RNF207: variants seen among roughly 807,000 people sequenced by gnomAD.
The protein encoded by RNF207 is ring finger protein 207.
In RNF207, 72 loss-of-function variants were observed where a neutral mutation model predicts 79.0. That is an observed-to-expected ratio of 0.91 (90% CI 0.75 to 1.11). The LOEUF (loss-of-function observed/expected upper bound fraction) is 1.11. Ranked by LOEUF, RNF207 falls within the 50% of genes least tolerant of loss-of-function variation. The probability of loss-of-function intolerance (pLI) is 0.00; values close to 1 mark genes in which losing one functional copy is unlikely to be tolerated. For missense variants in RNF207, 936 were observed against 855.8 expected (o/e 1.09, Z -1.17); for synonymous variants, 348 against 366.2 (o/e 0.95, Z 0.57).
At chr1:6,212,877 T>C in intron 15 of RNF207, 144 bp downstream of exon 15, 1 of 822,946 alleles carries the variant, frequency 1.2e-6, no homozygotes, top group Non-Finnish European at 2.1e-6. Context: ...TCCCAGCTGC[T>C]AACTGGCCTC....
rs1326086636 is a variant in RNF207, at chr1:6,209,941, G to A, written c.771G>A (p.Arg257=). Residue 257 remains arginine (R), a synonymous_variant, in exon 8 of 18, where the codon AGG becomes AGA. Transcript: ENST00000377939. ...FGSMQDRLAE[R]KALLLQAVQS... is the part of the protein sequence containing the mutation. ...TCTCCCAGGACAGGCTGGCAGAGAG[G>A]AAAGCGCTGCTGCTGCAGGCTGTGC... 8 of 1,592,862 alleles carry A rather than the reference G, an allele frequency of 5.0e-6. No homozygotes were observed. The African/African-American group carries it at 6.8e-5, about 13-fold the overall frequency.
At chr1:6,210,512 A>C in intron 10 of RNF207, 74 bp downstream of exon 10, 3 of 1,197,736 alleles carry the variant, frequency 2.5e-6, no homozygotes, top group South Asian at 1.3e-5. Context: ...CCACCAACTC[A>C]GGGGTGGGCA....
intron 16 of RNF207, among the ~76,000 whole-genome samples, chr1:6,214,252 A>G (rs1395311995): frequency 6.6e-6 from 1 of 151,992 alleles, no homozygotes; most frequent in African/African-American, 2.4e-5. Flanking sequence ...AATGCGACCT[A>G]CTAATTCTCT....
At position 6,207,664 on chromosome 1, in the gene RNF207, C is replaced by G; in HGVS notation, c.324+153C>G. 1.2e-6 allele frequency: 1 copy of G among 858,642 alleles called. No homozygotes were observed. 53.2% of individuals were successfully genotyped at this position (858,642 alleles called of 1,614,324 possible). A position where few individuals can be genotyped will look rare whatever the true frequency, so the allele number is the denominator to read the frequency against. ...GGCACCTTGGCCCCAAATGTGAACC[C>G]CATTATACCGGTGGGGAGACTGAGG... On this transcript the variant is annotated intron_variant, in intron 3 of 17. Coordinates refer to ENST00000377939, the MANE Select transcript of RNF207 (RefSeq NM_207396.3). This position sits in a 1 kb window ranked among gnomAD's most constrained non-coding sequence, Gnocchi z 4.5.
Position 6,219,386 on chromosome 1 carries a change from A to T in RNF207, c.1884A>T (p.Thr628=), listed in dbSNP as rs772294125. 1 of 1,608,396 alleles carries T rather than the reference A, an allele frequency of 6.2e-7. No individual in the cohort carries two copies. The highest frequency in any genetic ancestry group is 8.5e-7 in the Non-Finnish European group (1 of 1,177,590). The change falls in exon 18 of 18, where the codon ACA becomes ACT. Residue 628 remains threonine, a synonymous_variant. Transcript: ENST00000377939. ...SKQKNGGDVP[T]WREHPT ...AGAAAAATGGGGGCGATGTCCCCAC[A>T]TGGAGGGAACACCCGACTTAGCAAA...
Position 6,207,384 on chromosome 1 carries a change from A to G in RNF207, c.197A>G (p.Gln66Arg). ...GRLTCPLCQH[Q>R]TVLKGPSGLP... ...GGGCCTGGGCTTCTCTGCAGACACC[A>G]GACGGTGCTGAAGGGTCCCAGCGGG... Residue 66 changes from glutamine (Q) to arginine (R), a missense_variant, in exon 3 of 18, where the codon CAG becomes CGG. Physicochemically the swap from Gln to Arg is conservative, Grantham distance 43. Transcript: ENST00000377939. The surrounding 1 kb of genome is among the most constrained non-coding windows in gnomAD (Gnocchi z 4.5). 6.6e-7 allele frequency: 1 copy of G among 1,518,236 alleles called. No individual in the cohort carries two copies. The highest frequency in any genetic ancestry group is 8.8e-7 in the Non-Finnish European group (1 of 1,132,942). The allele number at this position is 1,518,236 out of a possible 1,614,324, so 94.0% of individuals were successfully genotyped here. A position where few individuals can be genotyped will look rare whatever the true frequency, so the allele number is the denominator to read the frequency against.
intron 17 of RNF207, 26 bp from the exon 18 acceptor site, chr1:6,219,210 G>A (rs1386457273): frequency 1.3e-6 from 2 of 1,583,472 alleles, no homozygotes; most frequent in African/African-American, 2.7e-5. Flanking sequence ...GGAGCGGGCT[G>A]GGCTTACATG....
In RNF207 at chr1:6,211,255, C is replaced by G; in HGVS notation, c.1109+137C>G. 3.1e-6 allele frequency: 2 copies of G among 637,006 alleles called. No homozygotes were observed. The highest frequency in any genetic ancestry group is 2.8e-5 in the East Asian group (1 of 36,322). The allele number at this position is 637,006 out of a possible 1,614,324, so 39.5% of individuals were successfully genotyped here. ...CCTCCGTCCTTAGCTCGCCACCCTC[C>G]CAGCAGGGTGTCTGGGCACAGGGGA... On this transcript the variant is annotated intron_variant, in intron 12 of 17. Transcript: ENST00000377939. The surrounding 1 kb of genome is among the most constrained non-coding windows in gnomAD (Gnocchi z 4.2).
intron 16 of RNF207, among the ~76,000 whole-genome samples, chr1:6,213,506 C>A (rs1372460779): frequency 6.7e-6 from 1 of 149,994 alleles, no homozygotes; most frequent in African/African-American, 2.5e-5. Context: ...GGGAAAGGTG[C>A]CACACCCACA....
At chr1:6,206,458 C>T (rs1667903202) in intron 1 of RNF207, 78 bp from the exon 2 acceptor site, 1 of 1,119,546 alleles carries the variant, frequency 8.9e-7, no homozygotes, top group Non-Finnish European at 1.2e-6. Flanking sequence ...AGGGCGCGGG[C>T]GCCCGGGCAG....
Position 6,212,013 on chromosome 1 carries a change from C to T in RNF207, c.1256C>T (p.Pro419Leu), listed in dbSNP as rs761844834. The change falls in exon 13 of 18, where the codon CCC becomes CTC. Residue 419 changes from proline to leucine, a missense_variant. By Grantham distance (98) the Pro-to-Leu change is moderately conservative. Coordinates refer to ENST00000377939, the MANE Select transcript of RNF207 (RefSeq NM_207396.3). Reference sequence around the variant, plus strand: ...CTGCTGGCGGAGGGCGAGAACACGCCCTTCGCAGAGCACTGCCGCCACTAT... The same window carrying T: ...CTGCTGGCGGAGGGCGAGAACACGCTCTTCGCAGAGCACTGCCGCCACTAT... ...KVLLAEGENT[P>L]FAEHCRHYED... 4 of 1,594,284 alleles carry T rather than the reference C, an allele frequency of 2.5e-6. No individual in the cohort carries two copies. The highest frequency in any genetic ancestry group is 3.4e-6 in the Non-Finnish European group (4 of 1,171,572).
At chr1:6,218,397 G>C in intron 17 of RNF207, 28 bp downstream of exon 17, 2 of 1,523,538 alleles carry the variant, frequency 1.3e-6, no homozygotes, top group Non-Finnish European at 1.8e-6. Flanking sequence ...ACTGGAGAGT[G>C]TGCACGCGAT....
Position 6,219,423 on chromosome 1 carries a change from C to T in RNF207, c.*16C>T, listed in dbSNP as rs370592083. The T allele has an allele frequency of 9.0e-5, 142 of 1,582,942 alleles. 1 individual carries two copies. The highest frequency in any genetic ancestry group is 7.0e-4 in the East Asian group (31 of 44,464). Reference sequence around the variant, plus strand: ...CCCGACTTAGCAAATGGGACCGGTCCCCAGGGTCAGGCTCTTAGAGCAGGC... The same window carrying T: ...CCCGACTTAGCAAATGGGACCGGTCTCCAGGGTCAGGCTCTTAGAGCAGGC... On this transcript the variant is annotated 3_prime_UTR_variant, in exon 18 of 18. Coordinates refer to ENST00000377939, the MANE Select transcript of RNF207 (RefSeq NM_207396.3).
chr1:6,217,204 C>T lies in RNF207; in HGVS notation c.1653-1085C>T, dbSNP rs140404873. Among the ~76,000 whole-genome samples the T allele has an allele frequency of 1.8e-4, 27 of 152,246 alleles. No homozygotes were observed. The East Asian group carries it at 3.3e-3, about 19-fold the overall frequency. The stretch of plus-strand genomic sequence containing the variant: ...TACACCTTCTCTTTGCTGACAGCCC[C>T]GCGCTCCCATGCTCCTGCCAGCCTC... On this transcript the variant is annotated intron_variant, in intron 16 of 17. Coordinates refer to ENST00000377939, the MANE Select transcript of RNF207 (RefSeq NM_207396.3). The surrounding 1 kb of genome is among the most constrained non-coding windows in gnomAD (Gnocchi z 4.2).
chr1:6,210,254 G>A lies in RNF207; in HGVS notation c.832G>A (p.Glu278Lys). 1 of 1,613,874 alleles carries A rather than the reference G, an allele frequency of 6.2e-7. No individual in the cohort carries two copies. Among genetic ancestry groups the A allele is most frequent in the Non-Finnish European group, 8.5e-7 (1 of 1,179,896 alleles). The change falls in exon 9 of 18, where the codon GAG becomes AAG. Residue 278 changes from glutamate (E) to lysine (K), a missense_variant. Transcript: ENST00000377939. The part of the protein sequence containing the change: ...QYEEKDKAFK[E>K]QLSHLATLLP... Reference sequence around the variant, plus strand: ...CGAAGAGAAGGACAAGGCCTTCAAGGAGCAGCTCTCTCACTTGGCCACCTT... The same window carrying A: ...CGAAGAGAAGGACAAGGCCTTCAAGAAGCAGCTCTCTCACTTGGCCACCTT...
chr1:6,206,815 G>A (rs1571196489), intron 2 of RNF207, 89 bp downstream of exon 2: 1 of 1,101,376 alleles, frequency 9.1e-7, no homozygotes, highest in East Asian at 2.5e-5. Flanking sequence ...CAGGTGCCAG[G>A]AGAGTAAGGC....
chr1:6,219,429 G>T lies in RNF207; in HGVS notation c.*22G>T, dbSNP rs377401741. On this transcript the variant is annotated 3_prime_UTR_variant, in exon 18 of 18. Coordinates refer to ENST00000377939, the MANE Select transcript of RNF207 (RefSeq NM_207396.3). ...TTAGCAAATGGGACCGGTCCCCAGG[G>T]TCAGGCTCTTAGAGCAGGCACAAGA... 2.5e-6 allele frequency: 4 copies of T among 1,572,820 alleles called. No homozygotes were observed. The highest frequency in any genetic ancestry group is 1.2e-5 in the South Asian group (1 of 86,822).
intron 16 of RNF207, among the ~76,000 whole-genome samples, chr1:6,214,626 C>CTTTTTTTTTTT (rs1553148919): frequency 2.1e-5 from 2 of 95,606 alleles, no homozygotes; most frequent in African/African-American, 1.2e-4. Flanking sequence ...TGGAATATTT[C>CTTTTTTTTTTT]TTTCTTTTTT....
rs1412081524 is a variant in RNF207 at position 6,207,148 on chromosome 1, T to G, written c.192-231T>G. Among the ~76,000 whole-genome samples the G allele has an allele frequency of 1.3e-5, 2 of 152,170 alleles. No homozygotes were observed. Among genetic ancestry groups the G allele is most frequent in the Non-Finnish European group, 2.9e-5 (2 of 68,024 alleles). On this transcript the variant is annotated intron_variant, in intron 2 of 17. Coordinates refer to ENST00000377939, the MANE Select transcript of RNF207 (RefSeq NM_207396.3). The surrounding 1 kb of genome is among the most constrained non-coding windows in gnomAD (Gnocchi z 4.5). ...AAGATGTCGAGGAGCAGCTTCTGCT[T>G]TTGATACTAGGGGACCAACCCCACT... is the stretch of plus-strand genomic sequence containing the variant.
Sources: gnomAD v4.1 joint callset for allele counts (sites outside exome capture counted in the v4.1 genomes callset) on GRCh38, gnomAD v4.1.1 for gene constraint, Gnocchi (gnomAD v3.1) non-coding constraint, MANE v1.5 for transcripts, NCBI Gene and HGNC (gene_info 2026-07-23, HGNC 2026-07-21) for gene names.